The following DDX10 variants were observed in gnomAD, a reference collection of about 807,000 sequenced individuals.
DDX10 encodes the protein probable ATP-dependent RNA helicase DDX10.
A neutral mutation model predicts 104.3 loss-of-function variants in DDX10; 74 were observed. The observed-to-expected ratio is 0.71, with a 90% CI of 0.59 to 0.86. The LOEUF is 0.86. DDX10 is among the 40% of genes least tolerant of loss of function. DDX10 has a pLI of 0.00. For synonymous variants in DDX10, 351 were observed against 353.4 expected, an observed-to-expected ratio of 0.99 and a Z score of 0.08; for missense variants, 952 against 1,040.0, an observed-to-expected ratio of 0.92 and a Z score of 1.16.
intron 16 of DDX10, 109 bp downstream of exon 16, chr11:108,852,318 A>G (rs969244637): frequency 1.2e-5 from 9 of 725,880 alleles, no homozygotes; most frequent in Non-Finnish European, 2.0e-5. Context: ...TGGAATTTAA[A>G]TCCTCTTCTT....
intron 13 of DDX10, among the ~76,000 whole-genome samples, chr11:108,759,630 A>G (rs1487413869): frequency 6.6e-6 from 1 of 152,006 alleles, no homozygotes; most frequent in Non-Finnish European, 1.5e-5. Context: ...TCTTGACACT[A>G]CATCTGTTCT....
chr11:108,929,350 A>C (rs902100942), intron 17 of DDX10, among the ~76,000 whole-genome samples: 1 of 152,226 alleles, frequency 6.6e-6, no homozygotes, highest in Admixed American at 6.5e-5. Flanking sequence ...CAAGACCTGA[A>C]GAATTATTGC....
At chr11:108,685,376 C>T (rs1461705101) in intron 6 of DDX10, among the ~76,000 whole-genome samples, 5 of 151,668 alleles carry the variant, frequency 3.3e-5, no homozygotes, top group East Asian at 1.9e-4. Context: ...GGCAATGCCT[C>T]GCCCTGCTTC....
chr11:108,939,352 A>C (rs1864076357), intron 17 of DDX10, among the ~76,000 whole-genome samples: 1 of 152,188 alleles, frequency 6.6e-6, no homozygotes, highest in Non-Finnish European at 1.5e-5. Context: ...AACCTCTCTT[A>C]ACCTCATTGC....
At chr11:108,820,056 G>A (rs372177061) in intron 13 of DDX10, among the ~76,000 whole-genome samples, 340 of 152,316 alleles carry the variant, frequency 2.2e-3, no homozygotes, top group African/African-American at 7.8e-3. Context: ...AAATTTTGAT[G>A]TTTGATAAAC....
At chr11:108,877,313 C>G (rs903958918) in intron 16 of DDX10, among the ~76,000 whole-genome samples, 1 of 152,084 alleles carries the variant, frequency 6.6e-6, no homozygotes, top group African/African-American at 2.4e-5. Context: ...TTTCCATGAT[C>G]TAGACATTAT....
intron 13 of DDX10, among the ~76,000 whole-genome samples, chr11:108,802,917 C>T (rs116313791): frequency 0.014 from 2,110 of 152,050 alleles, 51 homozygotes; most frequent in African/African-American, 0.047. Flanking sequence ...CTCTTAAGAA[C>T]TATCAGTCCA....
chr11:108,735,837 C>T (rs2094317651), intron 13 of DDX10, among the ~76,000 whole-genome samples: 1 of 152,124 alleles, frequency 6.6e-6, no homozygotes, highest in African/African-American at 2.4e-5. Context: ...TTCTTTGAAC[C>T]TTGCACTAGC....
Position 108,665,239 on chromosome 11 carries a change from A to G in DDX10, c.86A>G (p.His29Arg). 1 of 1,613,428 alleles carries G rather than the reference A, an allele frequency of 6.2e-7. No individual in the cohort carries two copies. Among genetic ancestry groups the G allele is most frequent in the Non-Finnish European group, 8.5e-7 (1 of 1,179,740 alleles). The change falls in exon 1 of 18, where the codon CAT becomes CGT. Residue 29 changes from histidine (H) to arginine (R), a missense_variant. This residue lies in a region of DDX10 where 412 missense variants were observed against 479.2 expected (regional missense o/e 0.86). Transcript: ENST00000322536. ...AATCGCTGGAAGAAAAAACACAGCC[A>G]TAGGCAGAACAAAAAGAAGCAGTTG... ...SFNRWKKKHS[H>R]RQNKKKQLRK...
chr11:108,832,276 C>A (rs1862483589), intron 13 of DDX10, among the ~76,000 whole-genome samples: 3 of 152,086 alleles, frequency 2.0e-5, no homozygotes, highest in South Asian at 4.1e-4. Context: ...TAAAAATCTT[C>A]TAGTTGGAAA....
chr11:108,926,133 T>C (rs1182203753), intron 17 of DDX10, among the ~76,000 whole-genome samples: 1 of 152,116 alleles, frequency 6.6e-6, no homozygotes, highest in Non-Finnish European at 1.5e-5. Flanking sequence ...ACTTGTATGA[T>C]GTTTAATTTT....
intron 13 of DDX10, among the ~76,000 whole-genome samples, chr11:108,767,591 T>G (rs1274612578): frequency 6.6e-6 from 1 of 152,200 alleles, no homozygotes; most frequent in African/African-American, 2.4e-5. Flanking sequence ...AATTTCAAAC[T>G]TTTTAGTTTT....
At position 108,691,922 on chromosome 11, in the gene DDX10, C is replaced by T; in HGVS notation, c.1022C>T (p.Ser341Phe). ...TTTTGCCGGCTACGTCCTGGTGTTT[C>T]TATCCTTGCACTCCATGGTCGACAG... ...RVFCRLRPGVSILALHGRQQQ... is the reference protein window; with the variant it reads ...RVFCRLRPGVFILALHGRQQQ... Residue 341 changes from serine (S) to phenylalanine (F), a missense_variant, in exon 8 of 18, where the codon TCT (serine) becomes TTT (phenylalanine). By Grantham distance (155) the Ser-to-Phe change is radical. Coordinates refer to ENST00000322536, the MANE Select transcript of DDX10 (RefSeq NM_004398.4). The T allele has an allele frequency of 6.2e-7, 1 of 1,613,992 alleles. No homozygotes were observed. Among genetic ancestry groups the T allele is most frequent in the Non-Finnish European group, 8.5e-7 (1 of 1,180,014 alleles).
chr11:108,801,938 C>G (rs561548608), intron 13 of DDX10, among the ~76,000 whole-genome samples: 4 of 150,596 alleles, frequency 2.7e-5, no homozygotes, highest in African/African-American at 7.3e-5. Context: ...TAGCACTGTT[C>G]TAGTAAGCCT....
At chr11:108,684,141 CTTTTT>C (rs56168476) in intron 6 of DDX10, among the ~76,000 whole-genome samples, 2 of 31,308 alleles carry the variant, frequency 6.4e-5, no homozygotes, top group African/African-American at 2.5e-4. Context: ...ATTTCCAGTT[CTTTTT>C]TTTTTTTTTT....
chr11:108,817,081 A>C (rs562403523), intron 13 of DDX10, among the ~76,000 whole-genome samples: 38 of 152,330 alleles, frequency 2.5e-4, no homozygotes, highest in African/African-American at 8.9e-4. Flanking sequence ...TGTTTGTATC[A>C]ATTAGCCTAT....
intron 13 of DDX10, among the ~76,000 whole-genome samples, chr11:108,795,381 T>C (rs553011224): frequency 6.6e-6 from 1 of 151,764 alleles, no homozygotes; most frequent in African/African-American, 2.4e-5. Context: ...ATGTGCCATA[T>C]TGTGTGTACA....
chr11:108,735,481 A>G (rs943302335), intron 13 of DDX10, among the ~76,000 whole-genome samples: 3 of 152,108 alleles, frequency 2.0e-5, no homozygotes, highest in Non-Finnish European at 4.4e-5. Flanking sequence ...TTCAGATAGA[A>G]TGATCAGAGG....
intron 13 of DDX10, among the ~76,000 whole-genome samples, chr11:108,755,598 T>G (rs1457839007): frequency 6.6e-6 from 1 of 152,006 alleles, no homozygotes; most frequent in Admixed American, 6.6e-5. Flanking sequence ...CCTCTGAGGC[T>G]TTTGAGCTTG....
Sources: allele counts gnomAD v4.1 joint callset (sites outside exome capture counted in the v4.1 genomes callset), GRCh38; gene constraint gnomAD v4.1.1; regional missense constraint gnomAD v4.1.1; transcripts MANE v1.5; gene names NCBI Gene and HGNC (gene_info 2026-07-23, HGNC 2026-07-21).